Variants in PTPRD observed in about 807,000 individuals in gnomAD.
PTPRD encodes protein tyrosine phosphatase receptor type D, also known as receptor-type tyrosine-protein phosphatase delta.
A neutral mutation model predicts 214.5 loss-of-function variants in PTPRD; 34 were observed. That is an observed-to-expected ratio of 0.16 (90% CI 0.12 to 0.21). PTPRD has a LOEUF of 0.21. Among genes scored for constraint, PTPRD ranks in the 10% least tolerant of loss-of-function variants. The pLI is 1.00. For missense variants in PTPRD, 2,545 were observed against 2,398.7 expected (o/e 1.06, Z -1.27); for synonymous variants, 1,128 against 845.7 (o/e 1.33, Z -5.79).
At chr9:10,413,616 T>G (rs965844610) in intron 2 of PTPRD, among the ~76,000 whole-genome samples, 1 of 151,958 alleles carries the variant, frequency 6.6e-6, no homozygotes, top group African/African-American at 2.4e-5. Context: ...ATTTAAAAAT[T>G]TATATGGAAC....
At chr9:10,230,302 T>C (rs1212063835) in intron 3 of PTPRD, among the ~76,000 whole-genome samples, 2 of 152,050 alleles carry the variant, frequency 1.3e-5, no homozygotes, top group East Asian at 1.9e-4. Flanking sequence ...ATTCGATTTA[T>C]GGGACTTTGT....
intron 9 of PTPRD, among the ~76,000 whole-genome samples, chr9:9,283,275 C>T (rs935805055): frequency 6.6e-6 from 1 of 151,400 alleles, no homozygotes; most frequent in African/African-American, 2.4e-5. Flanking sequence ...TTTAGTTGTA[C>T]AATTCATCTT....
intron 11 of PTPRD, among the ~76,000 whole-genome samples, chr9:8,799,960 A>G (rs1412738399): frequency 6.6e-6 from 1 of 152,052 alleles, no homozygotes; most frequent in Non-Finnish European, 1.5e-5. Context: ...AGATTCTGTT[A>G]GAAATAATAA....
chr9:9,929,098 G>T (rs4741002), intron 5 of PTPRD, among the ~76,000 whole-genome samples: 2 of 151,860 alleles, frequency 1.3e-5, no homozygotes, highest in African/African-American at 4.8e-5. Context: ...ATATCTGTCC[G>T]CTATACCTAT....
At chr9:8,855,756 T>C (rs1274095902) in intron 11 of PTPRD, among the ~76,000 whole-genome samples, 1 of 152,200 alleles carries the variant, frequency 6.6e-6, no homozygotes, top group Non-Finnish European at 1.5e-5. Context: ...TTTAAAGATC[T>C]ACAATTAATA....
At chr9:9,573,786 C>A (rs559828247) in intron 8 of PTPRD, among the ~76,000 whole-genome samples, 3 of 151,816 alleles carry the variant, frequency 2.0e-5, no homozygotes, top group African/African-American at 7.2e-5. Flanking sequence ...TTTAAACAAT[C>A]CTATGTTATG....
At chr9:8,577,158 T>C (rs934653760) in intron 14 of PTPRD, among the ~76,000 whole-genome samples, 2 of 152,194 alleles carry the variant, frequency 1.3e-5, no homozygotes, top group Non-Finnish European at 2.9e-5. Flanking sequence ...TGAGCTAAAT[T>C]AGAGTTCTGT....
intron 36 of PTPRD, among the ~76,000 whole-genome samples, chr9:8,398,801 T>C (rs942149863): frequency 6.6e-6 from 1 of 152,180 alleles, no homozygotes; most frequent in African/African-American, 2.4e-5. Flanking sequence ...TGCTGGCACC[T>C]TGATCTTAGA....
At chr9:10,471,960 G>C (rs1294613009) in intron 2 of PTPRD, among the ~76,000 whole-genome samples, 1 of 152,000 alleles carries the variant, frequency 6.6e-6, no homozygotes, top group Non-Finnish European at 1.5e-5. Flanking sequence ...AACGATCTTT[G>C]TGATTATTTC....
At chr9:9,375,224 G>A (rs2060474564) in intron 9 of PTPRD, among the ~76,000 whole-genome samples, 1 of 152,090 alleles carries the variant, frequency 6.6e-6, no homozygotes, top group African/African-American at 2.4e-5. Context: ...ATTCACAGTA[G>A]CCAAATGTGG....
At chr9:9,249,385 A>G (rs909078428) in intron 9 of PTPRD, among the ~76,000 whole-genome samples, 1 of 152,054 alleles carries the variant, frequency 6.6e-6, no homozygotes, top group African/African-American at 2.4e-5. Flanking sequence ...AGCCTCAGGT[A>G]TTCCTTTAGT....
At chr9:8,890,829 G>T (rs1324078246) in intron 11 of PTPRD, among the ~76,000 whole-genome samples, 1 of 152,024 alleles carries the variant, frequency 6.6e-6, no homozygotes, top group East Asian at 1.9e-4. Flanking sequence ...ATTTTCATTT[G>T]TTACTTCATC....
At chr9:9,127,318 C>A (rs533376539) in intron 10 of PTPRD, among the ~76,000 whole-genome samples, 2 of 152,228 alleles carry the variant, frequency 1.3e-5, no homozygotes, top group Admixed American at 6.5e-5. Context: ...CAACGTTGAA[C>A]AAAATGACAT....
chr9:9,454,084 A>C (rs887505836), intron 8 of PTPRD, among the ~76,000 whole-genome samples: 3 of 151,800 alleles, frequency 2.0e-5, no homozygotes, highest in African/African-American at 4.8e-5. Flanking sequence ...TCTTACAGAA[A>C]AAAAAGTGTA....
intron 8 of PTPRD, among the ~76,000 whole-genome samples, chr9:9,526,266 A>T (rs562727733): frequency 6.6e-6 from 1 of 152,210 alleles, no homozygotes; most frequent in African/African-American, 2.4e-5. Context: ...GAGCTTTTCA[A>T]ACTATTAATG....
chr9:10,612,208 C>CAAAAAAA (rs35311745), intron 2 of PTPRD, among the ~76,000 whole-genome samples, 190 bp downstream of exon 2: 9 of 126,744 alleles, frequency 7.1e-5, no homozygotes, highest in African/African-American at 1.8e-4. Context: ...AGGGCTCTTC[C>CAAAAAAA]AAAAAAAAAA....
chr9:9,022,954 A>C (rs1404534218), intron 10 of PTPRD, among the ~76,000 whole-genome samples: 2 of 152,190 alleles, frequency 1.3e-5, no homozygotes, highest in African/African-American at 2.4e-5. Flanking sequence ...GTATTTTTCA[A>C]AGTAATGTTC....
chr9:8,403,374 G>A (rs1199881129), intron 36 of PTPRD, among the ~76,000 whole-genome samples: 1 of 152,174 alleles, frequency 6.6e-6, no homozygotes, highest in East Asian at 1.9e-4. Flanking sequence ...CAAGTATGAA[G>A]AGGCCATAAA....
Position 9,333,552 on chromosome 9 carries a change from C to T in PTPRD, c.-203+63897G>A, listed in dbSNP as rs144619254. On this transcript the variant is annotated intron_variant, in intron 9 of 45. Coordinates refer to ENST00000381196, the MANE Select transcript of PTPRD (RefSeq NM_002839.4). ...AAGTCTGCAATGCAATCACAAGTGG[C>T]CACATGATGAAAGGTGGGACTTAAC... 6.5e-3 allele frequency among the ~76,000 whole-genome samples: 899 copies of T among 139,142 alleles called. 11 individuals are homozygous for T. Among genetic ancestry groups the T allele is most frequent in the African/African-American group, 0.025 (826 of 33,026 alleles). The allele number at this position is 139,142 out of a possible 152,430, so 91.3% of individuals were successfully genotyped here.
Sources: gnomAD v4.1 joint callset for allele counts (sites outside exome capture counted in the v4.1 genomes callset) on GRCh38, gnomAD v4.1.1 for gene constraint, MANE v1.5 for transcripts, NCBI Gene and HGNC (gene_info 2026-07-23, HGNC 2026-07-21) for gene names.